Variants in RDX observed in about 807,000 individuals in gnomAD.
RDX encodes the protein radixin.
Under a neutral mutation model 83.7 loss-of-function variants are expected in RDX, and 32 were observed. The observed-to-expected ratio is 0.38, with a 90% CI of 0.29 to 0.51. The LOEUF (loss-of-function observed/expected upper bound fraction) is 0.51. Among genes scored for constraint, RDX ranks in the 20% least tolerant of loss-of-function variants. The pLI, the probability that RDX is intolerant of heterozygous loss-of-function variation, is 0.87. For missense variants in RDX, 600 were observed against 689.9 expected, an observed-to-expected ratio of 0.87 and a Z score of 1.46; for synonymous variants, 229 against 222.7, an observed-to-expected ratio of 1.03 and a Z score of -0.25.
chr11:110,236,995 GAACT>G (rs1160189493), intron 11 of RDX, among the ~76,000 whole-genome samples: 1 of 151,416 alleles, frequency 6.6e-6, no homozygotes, highest in African/African-American at 2.4e-5. Context: ...GTACATGTGT[GAACT>G]AATATTTAAA....
downstream of RDX, among the ~76,000 whole-genome samples, chr11:110,226,435 G>C (rs117502600): frequency 4.8e-4 from 73 of 152,270 alleles, no homozygotes; most frequent in Non-Finnish European, 7.8e-4. Context: ...CAAATTTATA[G>C]AGACAGAAAG....
chr11:110,264,228 G>C lies in RDX; in HGVS notation c.199C>G (p.Gln67Glu). ...GGATTCTCTTTTTTAACATCCTGCT[G>C]TGTTACCTGGAAAAATAATTTCAAG... ...TWLKLNKKVT[Q>E]QDVKKENPLQ... The change falls in exon 5 of 14, where the codon CAG (glutamine) becomes GAG (glutamate). Residue 67 changes from glutamine to glutamate, a missense_variant. Gln to Glu is a conservative substitution (Grantham distance 29). Coordinates refer to ENST00000645495, the MANE Select transcript of RDX (RefSeq NM_002906.4). 6.3e-7 allele frequency: 1 copy of C among 1,597,582 alleles called. No individual in the cohort carries two copies. Among genetic ancestry groups the C allele is most frequent in the Non-Finnish European group, 8.5e-7 (1 of 1,171,800 alleles).
At chr11:110,252,235 G>C (rs139098905) in intron 9 of RDX, among the ~76,000 whole-genome samples, 180 of 152,186 alleles carry the variant, frequency 1.2e-3, no homozygotes, top group African/African-American at 3.9e-3. Flanking sequence ...GGAGAACTAC[G>C]GATTATTGTG....
At chr11:110,197,822 T>A (rs919338155) in intron 15 of RDX, among the ~76,000 whole-genome samples, 1 of 152,180 alleles carries the variant, frequency 6.6e-6, no homozygotes. Context: ...AGCTCAAATA[T>A]CAGAAATAAG....
At chr11:110,240,133 G>C (rs1865024598) in intron 10 of RDX, among the ~76,000 whole-genome samples, 1 of 152,084 alleles carries the variant, frequency 6.6e-6, no homozygotes, top group Non-Finnish European at 1.5e-5. Context: ...TATTCACAAT[G>C]GCCAAAACAT....
chr11:110,175,414 C>T (rs569783151), intron 15 of RDX, among the ~76,000 whole-genome samples: 153 of 152,302 alleles, frequency 1.0e-3, no homozygotes, highest in African/African-American at 3.4e-3. Flanking sequence ...TTGTGTTTTG[C>T]ACAAATTCAC....
At chr11:110,185,711 G>A (rs896713862) in intron 15 of RDX, 2 of 152,242 alleles carry the variant, frequency 1.3e-5, no homozygotes, top group Non-Finnish European at 2.9e-5. Flanking sequence ...GAGAATGTGG[G>A]CTTATGCCTG....
At chr11:110,292,251 C>A (rs1861273887) in intron 1 of RDX, among the ~76,000 whole-genome samples, 1 of 151,526 alleles carries the variant, frequency 6.6e-6, no homozygotes, top group South Asian at 2.1e-4. Flanking sequence ...TGAGATCATG[C>A]CACTGCATTC....
chr11:110,264,247 T>C lies in RDX; in HGVS notation c.193-13A>G. On this transcript the variant is annotated splice_polypyrimidine_tract_variant and intron_variant, in intron 4 of 13. Coordinates refer to ENST00000645495, the MANE Select transcript of RDX (RefSeq NM_002906.4). ...CCTGCTGTGTTACCTGGAAAAATAATTTCAAGTATAATCAACAAAAATCTT... is the reference window on the plus strand; with the variant it reads ...CCTGCTGTGTTACCTGGAAAAATAACTTCAAGTATAATCAACAAAAATCTT... 2 of 1,581,816 alleles carry C rather than the reference T, an allele frequency of 1.3e-6. No homozygotes were observed. The highest frequency in any genetic ancestry group is 1.7e-6 in the Non-Finnish European group (2 of 1,160,768).
intron 9 of RDX, among the ~76,000 whole-genome samples, chr11:110,253,507 G>A (rs1454560437): frequency 6.6e-6 from 1 of 152,080 alleles, no homozygotes; most frequent in Non-Finnish European, 1.5e-5. Flanking sequence ...GAGTTAAAAA[G>A]ATTAGGGTCT....
chr11:110,234,001 C>T (rs1864742160), intron 12 of RDX, among the ~76,000 whole-genome samples: 1 of 152,060 alleles, frequency 6.6e-6, no homozygotes, highest in South Asian at 2.1e-4. Context: ...TCTAACATCA[C>T]CAATTATTTG....
At chr11:110,270,924 T>A (rs1860280294) in intron 3 of RDX, among the ~76,000 whole-genome samples, 1 of 152,194 alleles carries the variant, frequency 6.6e-6, no homozygotes, top group South Asian at 2.1e-4. Flanking sequence ...GCTAACTCTA[T>A]TCACATTTTT....
rs548038359 is a variant in RDX at position 110,255,482 on chromosome 11, T to C, written c.699-97A>G. ...CTGACTGAATGACCAATCTTAAGAGTTCCAGATTTTCAAAATGTATTAACT... is the reference window on the plus strand; with the variant it reads ...CTGACTGAATGACCAATCTTAAGAGCTCCAGATTTTCAAAATGTATTAACT... On this transcript the variant is annotated intron_variant, in intron 7 of 13. Coordinates refer to ENST00000645495, the MANE Select transcript of RDX (RefSeq NM_002906.4). The C allele has an allele frequency of 1.9e-5, 13 of 702,558 alleles. No individual in the cohort carries two copies. In the South Asian group the frequency reaches 2.1e-4, roughly 11 times the overall value. The allele number at this position is 702,558 out of a possible 1,614,324, so 43.5% of individuals were successfully genotyped here.
At chr11:110,199,661 T>C (rs1472711626) in exon 15 of RDX, 6 of 703,042 alleles carry the variant, frequency 8.5e-6, no homozygotes, top group South Asian at 3.0e-5. Context: ...GAACAATGCA[T>C]ACAGTTTGGG....
chr11:110,201,551 C>T (rs1197780743), intron 14 of RDX, among the ~76,000 whole-genome samples: 1 of 151,596 alleles, frequency 6.6e-6, no homozygotes, highest in East Asian at 1.9e-4. Flanking sequence ...AGTATTTTAG[C>T]TGAAGGCAGC....
At position 110,243,985 on chromosome 11, in the gene RDX, C is replaced by T. The variant is rs76849516; in HGVS notation, c.1090+3718G>A. ...AGTTAAATACAGTTACCACATGACC[C>T]AGCAATTCCACTCCTTAGGTTACAC... is the stretch of plus-strand genomic sequence containing the variant. On this transcript the variant is annotated intron_variant, in intron 10 of 13. Transcript: ENST00000645495. Among the ~76,000 whole-genome samples, 289 of 152,170 alleles carry T rather than the reference C, an allele frequency of 1.9e-3. 2 individuals carry two copies. The highest frequency in any genetic ancestry group is 6.8e-3 in the African/African-American group (282 of 41,514).
intron 3 of RDX, among the ~76,000 whole-genome samples, chr11:110,266,288 G>A (rs997837162): frequency 2.6e-5 from 4 of 151,898 alleles, no homozygotes; most frequent in South Asian, 2.1e-4. Flanking sequence ...AGCCGAGATC[G>A]TGCCACTGCA....
intron 1 of RDX, among the ~76,000 whole-genome samples, chr11:110,294,720 C>CAAA (rs112660903): frequency 7.0e-6 from 1 of 142,076 alleles, no homozygotes; most frequent in African/African-American, 2.5e-5. Flanking sequence ...ATCACAATTT[C>CAAA]AAAAAAAAAA....
chr11:110,189,440 G>A (rs958177734), intron 15 of RDX, among the ~76,000 whole-genome samples: 3 of 151,760 alleles, frequency 2.0e-5, no homozygotes, highest in Non-Finnish European at 4.4e-5. Flanking sequence ...CTCAACCAAC[G>A]GCATTAGATC....
Sources: gnomAD v4.1 joint callset for allele counts (sites outside exome capture counted in the v4.1 genomes callset) on GRCh38, gnomAD v4.1.1 for gene constraint, MANE v1.5 for transcripts, NCBI Gene and HGNC (gene_info 2026-07-23, HGNC 2026-07-21) for gene names.